The following AXL variants were observed in gnomAD, a reference collection of about 807,000 sequenced individuals.
The protein encoded by AXL is AXL receptor tyrosine kinase, also known as tyrosine-protein kinase receptor UFO.
AXL carries 52 observed loss-of-function variants against 104.5 expected under a neutral mutation model. The observed-to-expected ratio is 0.50, with a 90% CI of 0.40 to 0.63. AXL has a LOEUF of 0.63. Ranked by LOEUF, AXL falls within the 20% of genes least tolerant of loss-of-function variation. AXL has a pLI of 0.00. For synonymous variants in AXL, 455 were observed against 473.7 expected (o/e 0.96, Z 0.51); for missense variants, 1,024 against 1,188.5 (o/e 0.86, Z 2.04).
intron 4 of AXL, among the ~76,000 whole-genome samples, chr19:41,225,151 G>A (rs145016707): frequency 3.9e-5 from 6 of 152,242 alleles, no homozygotes; most frequent in East Asian, 1.9e-4. Flanking sequence ...TTACAGGCAC[G>A]CCTGGCTTAT....
rs1181617821 is a variant in AXL at position 41,260,841 on chromosome 19, A to G, written c.*937A>G. ...TCTAGACATGGAGGTTCTAAGGCCT[A>G]GGATTCTAAAATGTGATGTTCTAAG... On this transcript the variant is annotated 3_prime_UTR_variant, in exon 20 of 20. Transcript: ENST00000301178. 1 of 152,172 alleles carries G rather than the reference A, an allele frequency of 6.6e-6. No homozygotes were observed. Among genetic ancestry groups the G allele is most frequent in the East Asian group, 1.9e-4 (1 of 5,200 alleles). The allele number at this position is 152,172 out of a possible 1,614,324, so 9.4% of individuals were successfully genotyped here.
chr19:41,230,933 T>C (rs892135027), intron 4 of AXL, 34 bp from the exon 5 acceptor site: 1 of 1,606,936 alleles, frequency 6.2e-7, no homozygotes, highest in Non-Finnish European at 8.5e-7. Context: ...TGCCCCTCTC[T>C]GATATTGGAC....
In AXL at chr19:41,234,426, G is replaced by A. The variant is rs188448950; in HGVS notation, c.783+3128G>A. Among the ~76,000 whole-genome samples the A allele has an allele frequency of 5.3e-5, 8 of 152,074 alleles. No homozygotes were observed. In the East Asian group the frequency reaches 1.4e-3, roughly 26 times the overall value. On this transcript the variant is annotated intron_variant, in intron 6 of 19. Transcript: ENST00000301178. ...GCTTGAGCCCAGGAGTTTGAGACCTGCCTGGCCAACATGGTGAAACGCCAT... is the reference window on the plus strand; with the variant it reads ...GCTTGAGCCCAGGAGTTTGAGACCTACCTGGCCAACATGGTGAAACGCCAT...
chr19:41,238,361 C>A, intron 7 of AXL, 109 bp from the exon 8 acceptor site: 1 of 1,535,330 alleles, frequency 6.5e-7, no homozygotes, highest in Non-Finnish European at 8.8e-7. Flanking sequence ...GAGGCCTGCA[C>A]GAGTTGCCCA....
At chr19:41,223,299 C>T (rs746340625) in intron 4 of AXL, among the ~76,000 whole-genome samples, 6 of 151,898 alleles carry the variant, frequency 4.0e-5, no homozygotes, top group African/African-American at 1.5e-4. Context: ...TGTCTCAAAA[C>T]GAAAAACAAA....
At chr19:41,258,016 ACT>A (rs1457046593) in intron 19 of AXL, among the ~76,000 whole-genome samples, 6 of 152,182 alleles carry the variant, frequency 3.9e-5, no homozygotes, top group African/African-American at 1.4e-4. Flanking sequence ...AACACCTGAG[ACT>A]CTCTGCAAAA....
chr19:41,246,985 G>C (rs1372200914), intron 12 of AXL, among the ~76,000 whole-genome samples: 1 of 150,984 alleles, frequency 6.6e-6, no homozygotes, highest in Non-Finnish European at 1.5e-5. Flanking sequence ...ATATAACAAA[G>C]AAAATGGATA....
chr19:41,257,977 G>A lies in AXL; in HGVS notation c.2333+348G>A, dbSNP rs1010838848. On this transcript the variant is annotated intron_variant, in intron 19 of 19. Transcript: ENST00000301178. ...GAGACTTCTCATTCCAGACTCCTGA[G>A]CACACCATGCTTCCCCGACATGCTC... Among the ~76,000 whole-genome samples the A allele has an allele frequency of 8.5e-5, 13 of 152,340 alleles. No individual in the cohort carries two copies. In the South Asian group the frequency reaches 1.9e-3, roughly 22 times the overall value.
chr19:41,248,590 G>A lies in AXL; in HGVS notation c.1614G>A (p.Leu538=). 1.2e-6 allele frequency: 2 copies of A among 1,614,116 alleles called. No homozygotes were observed. Among genetic ancestry groups the A allele is most frequent in the Non-Finnish European group, 1.7e-6 (2 of 1,180,004 alleles). ...TGGTGGACCGGCACAAGGTGGCCCT[G>A]GGGAAGACTCTGGGAGAGGGTGAGT... ...DVMVDRHKVA[L]GKTLGEGEFG... The change falls in exon 13 of 20, where the codon CTG becomes CTA. Residue 538 remains leucine (L), a synonymous_variant. Transcript: ENST00000301178.
At position 41,243,639 on chromosome 19, in the gene AXL, A is replaced by G. The variant is rs1225038375; in HGVS notation, c.1469A>G (p.Glu490Gly). ...RYGEVFEPTV[E>G]RGELVVRYRV... Reference sequence around the variant, plus strand: ...AGAGAAGTGTTTGAACCAACAGTGGAAAGAGGTGAACTGGTAGTCAGGTAC... The same window carrying G: ...AGAGAAGTGTTTGAACCAACAGTGGGAAGAGGTGAACTGGTAGTCAGGTAC... The change falls in exon 12 of 20, where the codon GAA becomes GGA. Residue 490 changes from glutamate to glycine, a missense_variant. By Grantham distance (98) the Glu-to-Gly change is moderately conservative (BLOSUM62 -2). Transcript: ENST00000301178. The G allele has an allele frequency of 2.5e-6, 4 of 1,613,724 alleles. No individual in the cohort carries two copies. The highest frequency in any genetic ancestry group is 3.3e-5 in the Admixed American group (2 of 59,958).
At chr19:41,222,150 G>T in intron 4 of AXL, 94 bp downstream of exon 4, 1 of 1,315,090 alleles carries the variant, frequency 7.6e-7, no homozygotes, top group Non-Finnish European at 1.0e-6. Context: ...GTGAGTGTCT[G>T]ACTGTCCTTC....
Position 41,243,683 on chromosome 19 carries a change from A to G in AXL, c.1513A>G (p.Ser505Gly). ...VVRYRVRKSYSRRTTEATLNS... is the reference protein window; with the variant it reads ...VVRYRVRKSYGRRTTEATLNS... ...CAGGTACCGCGTGCGCAAGTCCTAC[A>G]GTCGTCGGACCACTGAAGCTACCTG... The change falls in exon 12 of 20, where the codon AGT (serine) becomes GGT (glycine). Residue 505 changes from serine to glycine, a missense_variant. Ser to Gly is a moderately conservative substitution (Grantham distance 56, BLOSUM62 0). Around this residue, in one of 5 missense-constraint regions of AXL, gnomAD observed 523 missense variants for 636.0 expected, o/e 0.82. Transcript: ENST00000301178. 1 of 1,614,096 alleles carries G rather than the reference A, an allele frequency of 6.2e-7. No individual in the cohort carries two copies. Among genetic ancestry groups the G allele is most frequent in the Non-Finnish European group, 8.5e-7 (1 of 1,179,964 alleles).
At chr19:41,249,071 G>T (rs749112906) in intron 14 of AXL, among the ~76,000 whole-genome samples, 2 of 152,082 alleles carry the variant, frequency 1.3e-5, no homozygotes, top group African/African-American at 4.8e-5. Context: ...CACTTCCCCC[G>T]CTAGGCCTGA....
chr19:41,256,366 G>C, intron 17 of AXL, 86 bp from the exon 18 acceptor site: 1 of 1,486,652 alleles, frequency 6.7e-7, no homozygotes. Context: ...GAGGGGAGGA[G>C]GTGCAGATGT....
chr19:41,239,451 C>T, intron 9 of AXL, 137 bp downstream of exon 9: 1 of 1,322,854 alleles, frequency 7.6e-7, no homozygotes, highest in Non-Finnish European at 1.0e-6. Context: ...TGCCCTCACT[C>T]CCTTACCCAT....
chr19:41,223,982 G>A (rs923092733), intron 4 of AXL, among the ~76,000 whole-genome samples: 15 of 151,982 alleles, frequency 9.9e-5, no homozygotes, highest in South Asian at 4.2e-4. Context: ...GTGTGTGTGT[G>A]TGTGTGTGAC....
rs2034470215 is a variant in AXL, at chr19:41,257,376, C to T, written c.2197-117C>T. On this transcript the variant is annotated intron_variant, in intron 18 of 19. Coordinates refer to ENST00000301178, the MANE Select transcript of AXL (RefSeq NM_021913.5). ...TATGTTTCTATGAATACTTGTGATG[C>T]TCCCAGAGGATGGTTGTGAACATGT... 4.4e-6 allele frequency: 6 copies of T among 1,361,464 alleles called. No homozygotes were observed. The South Asian group carries it at 7.9e-5, about 18-fold the overall frequency. 84.3% of individuals were successfully genotyped at this position (1,361,464 alleles called of 1,614,324 possible). A position where few individuals can be genotyped will look rare whatever the true frequency, so the allele number is the denominator to read the frequency against.
At chr19:41,219,509 C>A in intron 1 of AXL, 32 bp downstream of exon 1, 1 of 1,581,818 alleles carries the variant, frequency 6.3e-7, no homozygotes, top group East Asian at 2.3e-5. Context: ...GGGCAGGGAT[C>A]CCCTCGGAGG....
At chr19:41,219,583 G>T (rs2033748141) in intron 1 of AXL, 106 bp downstream of exon 1, 5 of 1,320,148 alleles carry the variant, frequency 3.8e-6, no homozygotes, top group Middle Eastern at 2.1e-4. Context: ...CTGGCTTAGG[G>T]AGTTTCCTTG....
Sources: gnomAD v4.1 joint callset for allele counts (sites outside exome capture counted in the v4.1 genomes callset) on GRCh38, gnomAD v4.1.1 for gene constraint, gnomAD v4.1.1 regional missense constraint, MANE v1.5 for transcripts, NCBI Gene and HGNC (gene_info 2026-07-23, HGNC 2026-07-21) for gene names.